GRIN2D: variants seen among roughly 807,000 people sequenced by gnomAD.
The protein encoded by GRIN2D is glutamate ionotropic receptor NMDA type subunit 2D, also known as glutamate receptor ionotropic, NMDA 2D.
In GRIN2D, 37 loss-of-function variants were observed where a neutral mutation model predicts 103.2. The observed-to-expected ratio is 0.36, with a 90% CI of 0.28 to 0.47. The LOEUF (loss-of-function observed/expected upper bound fraction) is 0.47. Ranked by LOEUF, GRIN2D falls within the 20% of genes least tolerant of loss-of-function variation. The pLI is 1.00. For synonymous variants in GRIN2D, 845 were observed against 885.6 expected, an observed-to-expected ratio of 0.95 and a Z score of 0.81; for missense variants, 1,557 against 1,910.6, an observed-to-expected ratio of 0.81 and a Z score of 3.45.
chr19:48,438,257 T>C (rs1019000986), intron 11 of GRIN2D, among the ~76,000 whole-genome samples: 6 of 148,650 alleles, frequency 4.0e-5, no homozygotes, highest in East Asian at 2.0e-4. Context: ...GAAGATCCTT[T>C]GGCTTCTCTT....
At position 48,442,425 on chromosome 19, in the gene GRIN2D, G is replaced by C. The variant is rs751798877; in HGVS notation, c.2673+43G>C. On this transcript the variant is annotated intron_variant, in intron 13 of 13. Coordinates refer to ENST00000263269, the MANE Select transcript of GRIN2D (RefSeq NM_000836.4). The surrounding 1 kb of genome is among the most constrained non-coding windows in gnomAD (Gnocchi z 7.2). ...AGGCAGAGAGGGGGAGATGGCAGGG[G>C]CGGGGACAAAGGTAAAGCCGAGCAG... 1.1e-5 allele frequency: 18 copies of C among 1,577,358 alleles called. No homozygotes were observed. Among genetic ancestry groups the C allele is most frequent in the Non-Finnish European group, 1.5e-5 (17 of 1,158,042 alleles).
intron 11 of GRIN2D, among the ~76,000 whole-genome samples, chr19:48,424,158 G>A (rs1201810457): frequency 6.7e-6 from 1 of 149,320 alleles, no homozygotes; most frequent in East Asian, 2.0e-4. Flanking sequence ...GCTCACACCT[G>A]TAATCCTAAA....
intron 4 of GRIN2D, among the ~76,000 whole-genome samples, chr19:48,408,195 G>A (rs751296570): frequency 9.2e-5 from 14 of 152,036 alleles, no homozygotes; most frequent in Admixed American, 3.3e-4. Flanking sequence ...TTAGCCAGGC[G>A]TGGTGGCGGG....
chr19:48,404,702 G>A lies in GRIN2D; in HGVS notation c.466-32G>A. 1.9e-6 allele frequency: 3 copies of A among 1,551,328 alleles called. No homozygotes were observed. In the South Asian group the frequency reaches 3.7e-5, roughly 19 times the overall value. Reference sequence around the variant, plus strand: ...GCTGAGAAATAAGGTCCCCACATCGGCAGGCCTGACATCCTCCTCCCTCCC... The same window carrying A: ...GCTGAGAAATAAGGTCCCCACATCGACAGGCCTGACATCCTCCTCCCTCCC... On this transcript the variant is annotated intron_variant, in intron 3 of 13. Transcript: ENST00000263269.
chr19:48,443,807 C>A lies in GRIN2D; in HGVS notation c.3881C>A (p.Ala1294Asp). The change falls in exon 14 of 14, where the codon GCT becomes GAT. Residue 1294 changes from alanine to aspartate, a missense_variant. By Grantham distance (126) the Ala-to-Asp change is moderately radical. This residue lies in a region of GRIN2D where 88 missense variants were observed against 84.3 expected (regional missense o/e 1.04). Transcript: ENST00000263269. The surrounding 1 kb of genome is among the most constrained non-coding windows in gnomAD (Gnocchi z 8.9). ...AGGCTTACCGGGCCCTCCCGCCACGCTCGCAGGTGTCCGCACGCCGCGCAC... is the reference window on the plus strand; with the variant it reads ...AGGCTTACCGGGCCCTCCCGCCACGATCGCAGGTGTCCGCACGCCGCGCAC... ...ARRLTGPSRH[A>D]RRCPHAAHWG... 6.8e-7 allele frequency: 1 copy of A among 1,479,414 alleles called. No homozygotes were observed. The highest frequency in any genetic ancestry group is 8.9e-7 in the Non-Finnish European group (1 of 1,123,346). 91.6% of individuals were successfully genotyped at this position (1,479,414 alleles called of 1,614,324 possible).
chr19:48,402,634 G>A (rs558103641), intron 3 of GRIN2D, among the ~76,000 whole-genome samples: 6 of 147,980 alleles, frequency 4.1e-5, no homozygotes, highest in Middle Eastern at 3.5e-3. Flanking sequence ...GGAGAATGGC[G>A]TGAACCCGGG....
intron 4 of GRIN2D, among the ~76,000 whole-genome samples, chr19:48,411,475 C>A (rs1970859604): frequency 1.3e-5 from 2 of 151,918 alleles, no homozygotes; most frequent in African/African-American, 4.8e-5. Context: ...CATGGTGAAA[C>A]CCTGTCTCTA....
intron 2 of GRIN2D, among the ~76,000 whole-genome samples, chr19:48,395,153 C>A (rs1439140513): frequency 6.6e-6 from 1 of 151,930 alleles, no homozygotes; most frequent in Admixed American, 6.6e-5. Flanking sequence ...ACACCTCAGA[C>A]CTTTCACGCC....
chr19:48,398,791 G>A lies in GRIN2D; in HGVS notation c.399G>A (p.Leu133=), dbSNP rs768313945. The A allele has an allele frequency of 4.1e-6, 6 of 1,459,418 alleles. No homozygotes were observed. In the South Asian group the frequency reaches 7.9e-5, roughly 19 times the overall value. 90.4% of individuals were successfully genotyped at this position (1,459,418 alleles called of 1,614,324 possible). Residue 133 remains leucine, a synonymous_variant, in exon 3 of 14, where the codon CTG becomes CTA. Transcript: ENST00000263269. Reference sequence around the variant, plus strand: ...CCGTCGCGCCCATCCTCGACTTCCTGTCGGCGCAGACCTCGCTGCCCATCG... The same window carrying A: ...CCGTCGCGCCCATCCTCGACTTCCTATCGGCGCAGACCTCGCTGCCCATCG... The part of the protein sequence containing the change: ...APAVAPILDF[L]SAQTSLPIVA...
chr19:48,436,850 G>T (rs952933054), intron 11 of GRIN2D, among the ~76,000 whole-genome samples: 1 of 152,192 alleles, frequency 6.6e-6, no homozygotes, highest in African/African-American at 2.4e-5. Context: ...GTGAGGGGGG[G>T]CTTGGGAGAT....
chr19:48,432,441 T>C (rs1971169602), intron 11 of GRIN2D, among the ~76,000 whole-genome samples: 2 of 152,274 alleles, frequency 1.3e-5, no homozygotes, highest in East Asian at 3.9e-4. Context: ...TAAATTCTTT[T>C]ATGTACAATA....
At chr19:48,402,115 G>GGAAGGAAAGAAA (rs1970717849) in intron 3 of GRIN2D, among the ~76,000 whole-genome samples, 1 of 88,024 alleles carries the variant, frequency 1.1e-5, no homozygotes. Flanking sequence ...AGAAAGAGAA[G>GGAAGGAAAGAAA]GAAAGAAAGA....
chr19:48,425,015 TTCTC>T (rs1296165873), intron 11 of GRIN2D, among the ~76,000 whole-genome samples: 1 of 146,382 alleles, frequency 6.8e-6, no homozygotes, highest in Non-Finnish European at 1.5e-5. Context: ...GAATTCCAGA[TTCTC>T]TCTTCTCTCT....
Position 48,443,359 on chromosome 19 carries a change from C to T in GRIN2D, c.3433C>T (p.Leu1145Phe). 1 of 1,505,094 alleles carries T rather than the reference C, an allele frequency of 6.6e-7. No homozygotes were observed. The highest frequency in any genetic ancestry group is 8.8e-7 in the Non-Finnish European group (1 of 1,135,954). 93.2% of individuals were successfully genotyped at this position (1,505,094 alleles called of 1,614,324 possible). A position where few individuals can be genotyped will look rare whatever the true frequency, so the allele number is the denominator to read the frequency against. The change falls in exon 14 of 14, where the codon CTC (leucine) becomes TTC (phenylalanine). Residue 1145 changes from leucine (L) to phenylalanine (F), a missense_variant. Around this residue, in one of 7 missense-constraint regions of GRIN2D, gnomAD observed 632 missense variants for 572.8 expected, o/e 1.10. Coordinates refer to ENST00000263269, the MANE Select transcript of GRIN2D (RefSeq NM_000836.4). This position sits in a 1 kb window ranked among gnomAD's most constrained non-coding sequence, Gnocchi z 8.9. ...CTTCCCTTACCCGTATGCCGAGCGCCTCGGGCCGCCGCCCGGCCGCTACTG... is the reference window on the plus strand; with the variant it reads ...CTTCCCTTACCCGTATGCCGAGCGCTTCGGGCCGCCGCCCGGCCGCTACTG... ...ADFPYPYAER[L>F]GPPPGRYWSV...
In GRIN2D at chr19:48,404,850, C is replaced by T. The variant is rs1970763937; in HGVS notation, c.582C>T (p.Ala194=). The change falls in exon 4 of 14, where the codon GCC becomes GCT. Residue 194 remains alanine, a synonymous_variant. Coordinates refer to ENST00000263269, the MANE Select transcript of GRIN2D (RefSeq NM_000836.4). The stretch of plus-strand genomic sequence containing the variant: ...CCTTTGTAGCCGTGACCACTCGTGC[C>T]CCTGGCCACCGGGCCTTCCTGTCCT... ...WTSFVAVTTR[A]PGHRAFLSYI... is the part of the protein sequence containing the mutation. 6.2e-7 allele frequency: 1 copy of T among 1,614,206 alleles called. No individual in the cohort carries two copies. The highest frequency in any genetic ancestry group is 1.3e-5 in the African/African-American group (1 of 75,064).
At chr19:48,431,585 CTTTTTTT>C (rs1377100099) in intron 11 of GRIN2D, among the ~76,000 whole-genome samples, 1 of 140,276 alleles carries the variant, frequency 7.1e-6, no homozygotes, top group Non-Finnish European at 1.6e-5. Context: ...ATCTGTTTCC[CTTTTTTT>C]TTTTTTTTTG....
chr19:48,431,269 G>T (rs141899722), intron 11 of GRIN2D, among the ~76,000 whole-genome samples: 78 of 152,236 alleles, frequency 5.1e-4, no homozygotes, highest in Non-Finnish European at 8.7e-4. Flanking sequence ...CTCTTTCTGG[G>T]TTTTGCTTCC....
In GRIN2D at chr19:48,404,714, TC is replaced by T; in HGVS notation, c.466-18del. ...GGTCCCCACATCGGCAGGCCTGACATCCTCCTCCCTCCCTGGCAGGAGAAGG... is the reference window on the plus strand; with the variant it reads ...GGTCCCCACATCGGCAGGCCTGACATCTCCTCCCTCCCTGGCAGGAGAAGG... On this transcript the variant is annotated intron_variant, in intron 3 of 13. Transcript: ENST00000263269. 1 of 1,569,402 alleles carries T rather than the reference TC, an allele frequency of 6.4e-7. No homozygotes were observed. Among genetic ancestry groups the T allele is most frequent in the Admixed American group, 1.8e-5 (1 of 55,110 alleles).
intron 10 of GRIN2D, among the ~76,000 whole-genome samples, chr19:48,420,320 C>A (rs899510712): frequency 6.6e-6 from 1 of 151,520 alleles, no homozygotes; most frequent in Non-Finnish European, 1.5e-5. Flanking sequence ...CCCAGCTACC[C>A]GGGAGGCTGA....
Sources: allele counts gnomAD v4.1 joint callset (sites outside exome capture counted in the v4.1 genomes callset), GRCh38; gene constraint gnomAD v4.1.1; regional missense constraint gnomAD v4.1.1; non-coding constraint Gnocchi (gnomAD v3.1); transcripts MANE v1.5; gene names NCBI Gene and HGNC (gene_info 2026-07-23, HGNC 2026-07-21).